Variants in C14orf132 observed in about 807,000 individuals in gnomAD.
C14orf132 encodes uncharacterized protein C14orf132.
A neutral mutation model predicts 5.8 loss-of-function variants in C14orf132; 6 were observed. That is an observed-to-expected ratio of 1.03 (90% CI 0.57 to 2.04). C14orf132 has a LOEUF of 2.04. Among genes scored for constraint, C14orf132 ranks in the 30% most tolerant of loss-of-function variants. The pLI, the probability that C14orf132 is intolerant of heterozygous loss-of-function variation, is 0.00. For missense variants in C14orf132, 125 were observed against 115.8 expected (o/e 1.08, Z -0.37); for synonymous variants, 51 against 49.8 (o/e 1.02, Z -0.10).
At chr14:96,077,818 G>A (rs937375809) in intron 1 of C14orf132, among the ~76,000 whole-genome samples, 1 of 152,244 alleles carries the variant, frequency 6.6e-6, no homozygotes, top group East Asian at 1.9e-4. Flanking sequence ...TCTTGCAGGT[G>A]CACCCCTCAG....
rs1888266980 is a variant in C14orf132, at chr14:96,088,266, AGCC to A, written c.*1535_*1537del. On this transcript the variant is annotated 3_prime_UTR_variant, in exon 2 of 2. Transcript: ENST00000555004. ...TCCAGAAGCGGCACTCTTCCCTGGA[AGCC>A]GCCATGTTAATAGGATTACTAGCCT... The A allele has an allele frequency of 1.3e-5, 2 of 152,162 alleles. No homozygotes were observed. The highest frequency in any genetic ancestry group is 2.9e-5 in the Non-Finnish European group (2 of 68,010). 9.4% of individuals were successfully genotyped at this position (152,162 alleles called of 1,614,324 possible).
rs547050514 is a variant in C14orf132, at chr14:96,053,229, G to A, written c.27+13702G>A. Among the ~76,000 whole-genome samples, 10 of 152,250 alleles carry A rather than the reference G, an allele frequency of 6.6e-5. 1 individual carries two copies. Among genetic ancestry groups the A allele is most frequent in the South Asian group, 6.2e-4 (3 of 4,832 alleles). On this transcript the variant is annotated intron_variant, in intron 1 of 1. Coordinates refer to ENST00000555004, the MANE Select transcript of C14orf132 (RefSeq NM_001252507.3). ...ATGTCCAGAATCCACACCTTTCCCC[G>A]GCCCATTTAATTCTCAAGTGTTAAC... is the stretch of plus-strand genomic sequence containing the variant.
At position 96,091,168 on chromosome 14, in the gene C14orf132, C is replaced by T. The variant is rs570557907; in HGVS notation, c.*4433C>T. 7 of 383,426 alleles carry T rather than the reference C, an allele frequency of 1.8e-5. No individual in the cohort carries two copies. The highest frequency in any genetic ancestry group is 1.5e-4 in the African/African-American group (7 of 47,840). 23.8% of individuals were successfully genotyped at this position (383,426 alleles called of 1,614,324 possible). ...CAGTTCTGTCAGCTCTAGAGGCACCCTGCATCATGCCCACCAGGGTGATCC... is the reference window on the plus strand; with the variant it reads ...CAGTTCTGTCAGCTCTAGAGGCACCTTGCATCATGCCCACCAGGGTGATCC... On this transcript the variant is annotated 3_prime_UTR_variant, in exon 2 of 2. Transcript: ENST00000555004.
rs187547736 is a variant in C14orf132 at position 96,059,175 on chromosome 14, C to T, written c.27+19648C>T. Among the ~76,000 whole-genome samples, 45 of 152,276 alleles carry T rather than the reference C, an allele frequency of 3.0e-4. No homozygotes were observed. The East Asian group carries it at 7.9e-3, about 27-fold the overall frequency. Reference sequence around the variant, plus strand: ...AGGTGCACATCTGTAGTCCCAGCTACTCAGGAGGCTGAGGTGGAAGGATTG... The same window carrying T: ...AGGTGCACATCTGTAGTCCCAGCTATTCAGGAGGCTGAGGTGGAAGGATTG... On this transcript the variant is annotated intron_variant, in intron 1 of 1. Transcript: ENST00000555004.
In C14orf132 at chr14:96,086,964, G is replaced by C; in HGVS notation, c.*229G>C. On this transcript the variant is annotated 3_prime_UTR_variant, in exon 2 of 2. Transcript: ENST00000555004. ...CTCCTGCCCCTAGAGGCATGACGGGGCAAGGCCTTCAGAGGGCAGATTGGG... is the reference window on the plus strand; with the variant it reads ...CTCCTGCCCCTAGAGGCATGACGGGCCAAGGCCTTCAGAGGGCAGATTGGG... 1 of 575,532 alleles carries C rather than the reference G, an allele frequency of 1.7e-6. No individual in the cohort carries two copies. Among genetic ancestry groups the C allele is most frequent in the East Asian group, 2.9e-5 (1 of 34,364 alleles). The allele number at this position is 575,532 out of a possible 1,614,324, so 35.7% of individuals were successfully genotyped here. A position where few individuals can be genotyped will look rare whatever the true frequency, so the allele number is the denominator to read the frequency against.
chr14:96,065,657 C>T (rs375633946), intron 1 of C14orf132, among the ~76,000 whole-genome samples: 8 of 152,088 alleles, frequency 5.3e-5, no homozygotes, highest in African/African-American at 1.4e-4. Context: ...TGACCCCCTC[C>T]ACCCCCAGCA....
At position 96,039,629 on chromosome 14, in the gene C14orf132, C is replaced by A. The variant is rs1447454407; in HGVS notation, c.27+102C>A. ...CTGGGGCTGGGCAGTGGCGCCCGCC[C>A]GCGATCCGCGTCCCGGTCCTTTGTC... On this transcript the variant is annotated intron_variant, in intron 1 of 1. Transcript: ENST00000555004. This position sits in a 1 kb window ranked among gnomAD's most constrained non-coding sequence, Gnocchi z 5.3. The A allele has an allele frequency of 4.2e-6, 5 of 1,186,406 alleles. No homozygotes were observed. The highest frequency in any genetic ancestry group is 5.6e-6 in the Non-Finnish European group (5 of 898,006). 73.5% of individuals were successfully genotyped at this position (1,186,406 alleles called of 1,614,324 possible).
intron 1 of C14orf132, among the ~76,000 whole-genome samples, chr14:96,064,361 T>TACACACAC (rs755164695): frequency 0.11 from 10,907 of 97,228 alleles, 508 homozygotes; most frequent in South Asian, 0.23. Context: ...AGGGTGCATA[T>TACACACAC]ATACACACAC....
chr14:96,041,341 T>C (rs955114969), intron 1 of C14orf132, among the ~76,000 whole-genome samples: 2 of 152,148 alleles, frequency 1.3e-5, no homozygotes, highest in African/African-American at 4.8e-5. Flanking sequence ...CTAAACGAGA[T>C]TAAATAATTT....
At chr14:96,049,653 T>TATACGTATATATATAGAGAGAG (rs371381526) in intron 1 of C14orf132, among the ~76,000 whole-genome samples, 2 of 82,282 alleles carry the variant, frequency 2.4e-5, no homozygotes, top group Non-Finnish European at 4.9e-5. Flanking sequence ...TATATATATA[T>TATACGTATATATATAGAGAGAG]AGAGAGAGAG....
At chr14:96,043,601 A>T (rs1886753230) in intron 1 of C14orf132, among the ~76,000 whole-genome samples, 1 of 152,040 alleles carries the variant, frequency 6.6e-6, no homozygotes, top group Non-Finnish European at 1.5e-5. Flanking sequence ...CTCCCATCAG[A>T]TTCTAGGGGT....
At chr14:96,055,510 A>C (rs1024470531) in intron 1 of C14orf132, among the ~76,000 whole-genome samples, 5 of 152,170 alleles carry the variant, frequency 3.3e-5, no homozygotes, top group African/African-American at 1.2e-4. Flanking sequence ...TTGCCTTCCA[A>C]CTATGCATTT....
chr14:96,044,163 A>G lies in C14orf132; in HGVS notation c.27+4636A>G, dbSNP rs201602730. ...GGCGGTTGTGTTTGTGTACATTTTT[A>G]TTTTATTATCATTATTCTTTTTTAT... On this transcript the variant is annotated intron_variant, in intron 1 of 1. Transcript: ENST00000555004. Among the ~76,000 whole-genome samples, 376 of 152,140 alleles carry G rather than the reference A, an allele frequency of 2.5e-3. 3 individuals are homozygous for G. Among genetic ancestry groups the G allele is most frequent in the African/African-American group, 8.7e-3 (362 of 41,526 alleles).
chr14:96,077,700 G>A (rs1203101344), intron 1 of C14orf132, among the ~76,000 whole-genome samples: 1 of 152,234 alleles, frequency 6.6e-6, no homozygotes. Context: ...CTAGTACACT[G>A]TGTCTTGTTA....
intron 1 of C14orf132, among the ~76,000 whole-genome samples, chr14:96,049,533 T>C (rs1044127707): frequency 1.4e-5 from 2 of 141,816 alleles, no homozygotes; most frequent in Admixed American, 7.1e-5. Flanking sequence ...TATACACATA[T>C]ATACATACGT....
Position 96,092,370 on chromosome 14 carries a change from T to G in C14orf132, c.*5635T>G, listed in dbSNP as rs1468708838. 1 of 152,202 alleles carries G rather than the reference T, an allele frequency of 6.6e-6. No individual in the cohort carries two copies. Among genetic ancestry groups the G allele is most frequent in the East Asian group, 1.9e-4 (1 of 5,198 alleles). 9.4% of individuals were successfully genotyped at this position (152,202 alleles called of 1,614,324 possible). A position where few individuals can be genotyped will look rare whatever the true frequency, so the allele number is the denominator to read the frequency against. ...ATTTCCTGCCTCCCCAAGAGGAGGT[T>G]TGAGCCCCATTCTGCCTTGGAAATA... On this transcript the variant is annotated 3_prime_UTR_variant, in exon 2 of 2. Coordinates refer to ENST00000555004, the MANE Select transcript of C14orf132 (RefSeq NM_001252507.3).
chr14:96,048,582 T>A (rs1188218307), intron 1 of C14orf132, among the ~76,000 whole-genome samples: 6 of 152,208 alleles, frequency 3.9e-5, no homozygotes, highest in African/African-American at 9.6e-5. Flanking sequence ...TGGAGTGCAG[T>A]GGCGTGATCT....
chr14:96,047,708 T>C (rs2139644330), intron 1 of C14orf132, among the ~76,000 whole-genome samples: 1 of 152,308 alleles, frequency 6.6e-6, no homozygotes, highest in East Asian at 1.9e-4. Context: ...CTGCATCACG[T>C]CAGCCTATTA....
intron 1 of C14orf132, among the ~76,000 whole-genome samples, chr14:96,073,880 C>G (rs909563808): frequency 2.6e-5 from 4 of 152,144 alleles, no homozygotes; most frequent in Non-Finnish European, 5.9e-5. Context: ...AGATCATGTC[C>G]TTTGCAGGGA....
Sources: gnomAD v4.1 joint callset for allele counts (sites outside exome capture counted in the v4.1 genomes callset) on GRCh38, gnomAD v4.1.1 for gene constraint, Gnocchi (gnomAD v3.1) non-coding constraint, MANE v1.5 for transcripts, NCBI Gene and HGNC (gene_info 2026-07-23, HGNC 2026-07-21) for gene names.